Variants in PLCZ1 observed in about 807,000 individuals in gnomAD.
PLCZ1 encodes the protein phospholipase C zeta 1.
In PLCZ1, 64 loss-of-function variants were observed where a neutral mutation model predicts 76.8. The observed-to-expected ratio is 0.83, with a 90% CI of 0.68 to 1.03. PLCZ1 has a LOEUF of 1.03. PLCZ1 is among the 50% of genes least tolerant of loss of function. PLCZ1 has a pLI of 0.00. For missense variants in PLCZ1, 751 were observed against 713.7 expected (o/e 1.05, Z -0.60); for synonymous variants, 248 against 230.8 (o/e 1.07, Z -0.68).
At chr12:18,700,051 C>G in intron 9 of PLCZ1, 101 bp from the exon 10 acceptor site, 1 of 1,012,526 alleles carries the variant, frequency 9.9e-7, no homozygotes, top group Non-Finnish European at 1.5e-6. Context: ...TGATTTTCAT[C>G]TTTTCATAAG....
At chr12:18,662,033 C>T in the PLCZ1 span, among the ~76,000 whole-genome samples, 1 of 152,060 alleles carries the variant, frequency 6.6e-6, no homozygotes, top group Non-Finnish European at 1.5e-5. Flanking sequence ...GAACAGAAAA[C>T]CAATACTGCG....
the PLCZ1 span, among the ~76,000 whole-genome samples, chr12:18,648,662 G>A: frequency 3.9e-5 from 6 of 152,066 alleles, no homozygotes; most frequent in South Asian, 4.2e-4. Flanking sequence ...CCAGAGGCAC[G>A]ATTTAAACTT....
the PLCZ1 span, among the ~76,000 whole-genome samples, chr12:18,646,852 G>A: frequency 4.6e-5 from 7 of 151,956 alleles, no homozygotes; most frequent in South Asian, 2.1e-4. Context: ...GCAGGTTGCC[G>A]ATGGACCTGT....
chr12:18,694,939 C>T lies in PLCZ1; in HGVS notation c.1432G>A (p.Glu478Lys). 1 of 1,602,842 alleles carries T rather than the reference C, an allele frequency of 6.2e-7. No individual in the cohort carries two copies. The highest frequency in any genetic ancestry group is 8.5e-7 in the Non-Finnish European group (1 of 1,171,104). ...KSYFNPSNIK[E>K]GMPITLTIRL... ...ATTGTAAGTGTAATTGGCATACCCTCTTTTATGTTACTTGGGTTAAAGTAT... is the reference window on the plus strand; with the variant it reads ...ATTGTAAGTGTAATTGGCATACCCTTTTTTATGTTACTTGGGTTAAAGTAT... Residue 478 changes from glutamate to lysine, a missense_variant, in exon 12 of 15, where the codon GAG becomes AAG. Glu to Lys is a moderately conservative substitution (Grantham distance 56, BLOSUM62 1). Transcript: ENST00000266505.
intron 4 of PLCZ1, 146 bp downstream of exon 4, chr12:18,723,165 A>G (rs1478591437): frequency 3.0e-6 from 2 of 672,790 alleles, no homozygotes; most frequent in South Asian, 1.9e-5. Context: ...TATAAAATAT[A>G]TTTTCTCAAA....
chr12:18,662,936 A>G, the PLCZ1 span, among the ~76,000 whole-genome samples: 1 of 152,154 alleles, frequency 6.6e-6, no homozygotes, highest in Non-Finnish European at 1.5e-5. Context: ...ATGCAAAGAT[A>G]ACAATTAGGA....
intron 2 of PLCZ1, 115 bp from the exon 3 acceptor site, chr12:18,736,459 GTAAAT>G: frequency 8.1e-7 from 1 of 1,229,698 alleles, no homozygotes; most frequent in Non-Finnish European, 1.1e-6. Flanking sequence ...TATGTTTAAA[GTAAAT>G]TATAGTATAA....
the PLCZ1 span, chr12:18,648,153 A>G: frequency 2.2e-6 from 1 of 447,968 alleles, no homozygotes; most frequent in South Asian, 7.5e-5. Context: ...GGACACAGAA[A>G]AAAAATCAGA....
At chr12:18,677,217 T>A in the PLCZ1 span, among the ~76,000 whole-genome samples, 3 of 152,018 alleles carry the variant, frequency 2.0e-5, no homozygotes, top group African/African-American at 4.8e-5. Flanking sequence ...GATGCACAAA[T>A]ATGTGAGCAC....
intron 9 of PLCZ1, 91 bp downstream of exon 9, chr12:18,701,407 AATG>A: frequency 6.3e-7 from 1 of 1,587,588 alleles, no homozygotes; most frequent in Non-Finnish European, 8.6e-7. Context: ...TAAGAAGGAA[AATG>A]ATTTTTCTCC....
chr12:18,692,420 T>C (rs1453799730), intron 12 of PLCZ1, among the ~76,000 whole-genome samples: 1 of 152,170 alleles, frequency 6.6e-6, no homozygotes, highest in Non-Finnish European at 1.5e-5. Flanking sequence ...AAAATAAGCA[T>C]AGCACTTAGG....
chr12:18,730,268 C>T (rs1958970100), intron 3 of PLCZ1, among the ~76,000 whole-genome samples: 1 of 152,080 alleles, frequency 6.6e-6, no homozygotes, highest in African/African-American at 2.4e-5. Flanking sequence ...AGAGTTGAAG[C>T]AAGTGAGTTG....
the PLCZ1 span, among the ~76,000 whole-genome samples, chr12:18,661,010 T>C: frequency 6.6e-6 from 1 of 152,036 alleles, no homozygotes; most frequent in African/African-American, 2.4e-5. Context: ...AAAGTACAAC[T>C]GAAGACAAAA....
At chr12:18,682,097 T>C (rs1368142827), downstream of PLCZ1, among the ~76,000 whole-genome samples, 1 of 152,030 alleles carries the variant, frequency 6.6e-6, no homozygotes, top group Non-Finnish European at 1.5e-5. Flanking sequence ...TGTGCACTGA[T>C]CTTAAATCCA....
chr12:18,701,519 C>T lies in PLCZ1; in HGVS notation c.999G>A (p.Met333Ile), dbSNP rs777770093. 6 of 1,613,878 alleles carry T rather than the reference C, an allele frequency of 3.7e-6. No homozygotes were observed. The South Asian group carries it at 5.5e-5, about 15-fold the overall frequency. ...ACCTCACCTTCTTTTTCTTGAAAAG[C>T]ATTACTCCAGGTAACTTTTTTACCC... ...ETGVKKLPGVMLFKKKKTRKL... is the reference protein window; with the variant it reads ...ETGVKKLPGVILFKKKKTRKL... The change falls in exon 9 of 15, where the codon ATG (methionine) becomes ATA (isoleucine). Residue 333 changes from methionine to isoleucine, a missense_variant. By Grantham distance (10) the Met-to-Ile change is conservative (BLOSUM62 1). Coordinates refer to ENST00000266505, the MANE Select transcript of PLCZ1 (RefSeq NM_033123.4).
the PLCZ1 span, among the ~76,000 whole-genome samples, chr12:18,653,941 T>C: frequency 6.6e-6 from 1 of 152,164 alleles, no homozygotes; most frequent in Non-Finnish European, 1.5e-5. Flanking sequence ...GTCAGCCTTC[T>C]GGCTCCATGA....
At chr12:18,709,087 C>T (rs1055129796) in intron 6 of PLCZ1, among the ~76,000 whole-genome samples, 2 of 152,010 alleles carry the variant, frequency 1.3e-5, no homozygotes, top group Non-Finnish European at 2.9e-5. Context: ...ATAATAATTG[C>T]CAAAGTCAGT....
At chr12:18,693,490 A>T in intron 12 of PLCZ1, 1 of 1,609,654 alleles carries the variant, frequency 6.2e-7, no homozygotes, top group South Asian at 1.1e-5. Flanking sequence ...TAGCCAAAGC[A>T]GTAGCAAACC....
intron 13 of PLCZ1, chr12:18,685,702 A>T (rs1042234538): frequency 2.0e-6 from 1 of 507,726 alleles, no homozygotes; most frequent in African/African-American, 1.9e-5. Context: ...GCAGGTTTAG[A>T]GTCAATTCTT....
Sources: gnomAD v4.1 joint callset for allele counts (sites outside exome capture counted in the v4.1 genomes callset) on GRCh38, gnomAD v4.1.1 for gene constraint, MANE v1.5 for transcripts, NCBI Gene and HGNC (gene_info 2026-07-23, HGNC 2026-07-21) for gene names.